Variants in ATP10B observed in about 807,000 individuals in gnomAD.
The protein encoded by ATP10B is phospholipid-transporting ATPase VB.
In ATP10B, 122 loss-of-function variants were observed where a neutral mutation model predicts 141.2. The ratio of observed to expected loss-of-function variants is 0.86; its 90% CI spans 0.75 to 1.00. ATP10B has a LOEUF of 1.00. ATP10B is among the 50% of genes least tolerant of loss of function. The pLI, the probability that ATP10B is intolerant of heterozygous loss-of-function variation, is 0.00. For synonymous variants in ATP10B, 685 were observed against 692.0 expected (o/e 0.99, Z 0.16); for missense variants, 1,876 against 1,825.3 (o/e 1.03, Z -0.51).
At chr5:160,657,254 A>G (rs950438472) in intron 7 of ATP10B, among the ~76,000 whole-genome samples, 8 of 152,146 alleles carry the variant, frequency 5.3e-5, no homozygotes, top group African/African-American at 1.7e-4. Flanking sequence ...TAGGTGATTG[A>G]GGTTTTCTTC....
the ATP10B span, among the ~76,000 whole-genome samples, chr5:160,861,738 C>A: frequency 6.6e-6 from 1 of 151,772 alleles, no homozygotes; most frequent in Non-Finnish European, 1.5e-5. Context: ...GGTTCTCATA[C>A]CTTTTCGAAT....
In ATP10B at chr5:160,606,889, C is replaced by T. The variant is rs748223930; in HGVS notation, c.3036G>A (p.Glu1012=). 3 of 1,614,164 alleles carry T rather than the reference C, an allele frequency of 1.9e-6. No individual in the cohort carries two copies. In the South Asian group the frequency reaches 3.3e-5, roughly 18 times the overall value. The change falls in exon 19 of 26, where the codon GAG becomes GAA. Residue 1012 remains glutamate, a synonymous_variant. Coordinates refer to ENST00000327245, the MANE Select transcript of ATP10B (RefSeq NM_025153.3). Reference sequence around the variant, plus strand: ...ACTGGGTCAATTCCAGAAACTTCTTCTCTAGCTTTCCCTGGAAGATGGCAT... The same window carrying T: ...ACTGGGTCAATTCCAGAAACTTCTTTTCTAGCTTTCCCTGGAAGATGGCAT... ...TLNAIFQGKL[E]KKFLELTQYC...
chr5:160,565,576 G>C lies in ATP10B; in HGVS notation c.4263C>G (p.Leu1421=), dbSNP rs1360481389. Reference sequence around the variant, plus strand: ...GTCCCAGCAGGTGCTCCCCGGATGAGAGTTGAGCTGAGGAGTCCCCTGAGC... The same window carrying C: ...GTCCCAGCAGGTGCTCCCCGGATGACAGTTGAGCTGAGGAGTCCCCTGAGC... The part of the protein sequence containing the change: ...DSCSGDSSAQ[L]SSGEHLLGPN... The change falls in exon 26 of 26, where the codon CTC becomes CTG. Residue 1421 remains leucine, a synonymous_variant. Coordinates refer to ENST00000327245, the MANE Select transcript of ATP10B (RefSeq NM_025153.3). 5 of 1,614,012 alleles carry C rather than the reference G, an allele frequency of 3.1e-6. No homozygotes were observed. The highest frequency in any genetic ancestry group is 2.2e-5 in the East Asian group (1 of 44,870).
At chr5:160,911,794 C>T in the ATP10B span, among the ~76,000 whole-genome samples, 1 of 152,154 alleles carries the variant, frequency 6.6e-6, no homozygotes, top group Non-Finnish European at 1.5e-5. Context: ...TCTCACCCAG[C>T]CTGGTTATTT....
intron 7 of ATP10B, among the ~76,000 whole-genome samples, chr5:160,662,320 A>C (rs1001741878): frequency 8.5e-5 from 13 of 152,246 alleles, no homozygotes; most frequent in African/African-American, 3.1e-4. Flanking sequence ...GGAACCAAAA[A>C]AGAGCCCGCA....
At chr5:160,894,324 G>T in the ATP10B span, among the ~76,000 whole-genome samples, 1 of 152,126 alleles carries the variant, frequency 6.6e-6, no homozygotes, top group Middle Eastern at 3.4e-3. Flanking sequence ...TACATGAATT[G>T]CTAACTAGAA....
intron 21 of ATP10B, 29 bp downstream of exon 21, chr5:160,602,548 T>C: frequency 6.2e-7 from 1 of 1,612,888 alleles, no homozygotes; most frequent in Non-Finnish European, 8.5e-7. Flanking sequence ...GCCAAAGCCC[T>C]GGGTGAGAGG....
In ATP10B at chr5:160,815,629, T is replaced by C. The variant is rs1773550111; in HGVS notation, c.-575-29826A>G. Among the ~76,000 whole-genome samples, 3 of 152,054 alleles carry C rather than the reference T, an allele frequency of 2.0e-5. No individual in the cohort carries two copies. In the South Asian group the frequency reaches 6.2e-4, roughly 32 times the overall value. ...ACGAGACAGAAAGTTAACAAGGATA[T>C]GGAGGAATTGAACTCAGCTCTGCAC... On this transcript the variant is annotated intron_variant, in intron 1 of 25. Coordinates refer to ENST00000327245, the MANE Select transcript of ATP10B (RefSeq NM_025153.3).
rs796968833 is a variant in ATP10B at position 160,849,618 on chromosome 5, TAC to T, written c.-576+2321_-576+2322del. 5.1e-3 allele frequency among the ~76,000 whole-genome samples: 751 copies of T among 148,200 alleles called. 4 individuals carry two copies. The highest frequency in any genetic ancestry group is 0.016 in the African/African-American group (648 of 40,388). ...CCAATTATTGAATTGTACTGGCAAT[TAC>T]ACACACACACACACACACACACTCT... On this transcript the variant is annotated intron_variant, in intron 1 of 25. Coordinates refer to ENST00000327245, the MANE Select transcript of ATP10B (RefSeq NM_025153.3).
At chr5:160,869,375 G>A in the ATP10B span, among the ~76,000 whole-genome samples, 2 of 151,628 alleles carry the variant, frequency 1.3e-5, no homozygotes, top group African/African-American at 2.4e-5. Flanking sequence ...AAGGAGCTAA[G>A]TATAGCTAAA....
At chr5:160,766,654 G>A (rs1180277019) in intron 2 of ATP10B, among the ~76,000 whole-genome samples, 2 of 152,090 alleles carry the variant, frequency 1.3e-5, no homozygotes, top group Admixed American at 6.6e-5. Context: ...CACTGCTCGG[G>A]TGATGGGTGC....
At chr5:160,784,964 A>T (rs192342486) in intron 2 of ATP10B, among the ~76,000 whole-genome samples, 1 of 152,244 alleles carries the variant, frequency 6.6e-6, no homozygotes, top group East Asian at 1.9e-4. Context: ...CATTCTTAAC[A>T]TCAAGAAGGG....
chr5:160,619,367 A>G (rs1758193769), intron 15 of ATP10B, among the ~76,000 whole-genome samples: 2 of 152,166 alleles, frequency 1.3e-5, no homozygotes, highest in Admixed American at 6.5e-5. Context: ...CCATTTTTCA[A>G]TCAGGTGAGG....
the ATP10B span, among the ~76,000 whole-genome samples, chr5:160,889,911 A>G: frequency 0.11 from 17,357 of 151,936 alleles, 1,030 homozygotes; most frequent in Non-Finnish European, 0.12. Flanking sequence ...CACACCTCCT[A>G]CCCTGAGGCC....
intron 1 of ATP10B, among the ~76,000 whole-genome samples, chr5:160,817,202 G>A (rs1406018667): frequency 6.6e-6 from 1 of 152,182 alleles, no homozygotes; most frequent in African/African-American, 2.4e-5. Context: ...AGGAAAAGAG[G>A]AAGTCAAATG....
the ATP10B span, among the ~76,000 whole-genome samples, chr5:160,883,382 A>C: frequency 6.6e-6 from 1 of 152,172 alleles, no homozygotes; most frequent in African/African-American, 2.4e-5. Flanking sequence ...CTGAGACTAA[A>C]TGTCATGTAT....
At chr5:160,688,127 G>C in intron 4 of ATP10B, 33 bp from the exon 5 acceptor site, 1 of 1,579,134 alleles carries the variant, frequency 6.3e-7, no homozygotes, top group Non-Finnish European at 8.6e-7. Flanking sequence ...CTATGTTTAG[G>C]AGAAACGTGC....
At chr5:160,721,364 C>T (rs1487042595) in intron 2 of ATP10B, among the ~76,000 whole-genome samples, 2 of 152,168 alleles carry the variant, frequency 1.3e-5, no homozygotes, top group African/African-American at 2.4e-5. Flanking sequence ...CTAATGCTCT[C>T]ACTTTTGCCT....
At chr5:160,685,800 G>T (rs1763713874) in intron 6 of ATP10B, among the ~76,000 whole-genome samples, 1 of 152,008 alleles carries the variant, frequency 6.6e-6, no homozygotes, top group Non-Finnish European at 1.5e-5. Flanking sequence ...GTTAATAATT[G>T]TTCCCCGGTG....
Sources: allele counts gnomAD v4.1 joint callset (sites outside exome capture counted in the v4.1 genomes callset), GRCh38; gene constraint gnomAD v4.1.1; transcripts MANE v1.5; gene names NCBI Gene and HGNC (gene_info 2026-07-23, HGNC 2026-07-21).